Variants in EDIL3 observed in about 807,000 individuals in gnomAD.
EDIL3 encodes the protein EGF like and discoidin domains 3.
EDIL3 carries 37 observed loss-of-function variants against 67.4 expected under a neutral mutation model. The ratio of observed to expected loss-of-function variants is 0.55; its 90% confidence interval spans 0.42 to 0.72. The LOEUF is 0.72. EDIL3 is among the 30% of genes least tolerant of loss of function. EDIL3 has a pLI of 0.00. For missense variants in EDIL3, 527 were observed against 586.3 expected (o/e 0.90, Z 1.04); for synonymous variants, 195 against 196.3 (o/e 0.99, Z 0.05).
chr5:83,945,607 C>T (rs1046247988), intron 10 of EDIL3, among the ~76,000 whole-genome samples: 2 of 151,788 alleles, frequency 1.3e-5, no homozygotes, highest in Non-Finnish European at 1.5e-5. Flanking sequence ...GGTTTTGATG[C>T]GAACTATCAA....
chr5:84,264,849 C>G (rs1009879196), intron 1 of EDIL3, among the ~76,000 whole-genome samples: 3 of 152,256 alleles, frequency 2.0e-5, no homozygotes, highest in African/African-American at 7.2e-5. Flanking sequence ...TAAAAACAAT[C>G]AAGTGCTACA....
At chr5:84,210,973 A>G (rs1744105846) in intron 3 of EDIL3, among the ~76,000 whole-genome samples, 1 of 152,210 alleles carries the variant, frequency 6.6e-6, no homozygotes, top group African/African-American at 2.4e-5. Flanking sequence ...TCACTATTGT[A>G]GTAGGTTGAA....
At chr5:84,239,740 T>C (rs1325203948) in intron 2 of EDIL3, among the ~76,000 whole-genome samples, 2 of 152,190 alleles carry the variant, frequency 1.3e-5, no homozygotes, top group African/African-American at 4.8e-5. Flanking sequence ...CGGGAAAGAA[T>C]TGCAAAATTT....
chr5:84,150,508 A>C (rs1007605627), intron 4 of EDIL3, among the ~76,000 whole-genome samples: 3 of 152,204 alleles, frequency 2.0e-5, no homozygotes, highest in African/African-American at 7.2e-5. Context: ...AAGAATATAC[A>C]TAAGAGTGGT....
At chr5:84,199,786 AG>A (rs939834052) in intron 3 of EDIL3, among the ~76,000 whole-genome samples, 2 of 152,050 alleles carry the variant, frequency 1.3e-5, no homozygotes, top group African/African-American at 4.8e-5. Context: ...GGGCAGTAAA[AG>A]GAAAAACAGG....
At chr5:84,365,754 G>A (rs1390886147) in intron 1 of EDIL3, among the ~76,000 whole-genome samples, 1 of 152,042 alleles carries the variant, frequency 6.6e-6, no homozygotes, top group Non-Finnish European at 1.5e-5. Context: ...TTCTCTTTTG[G>A]ATTGTGTCTC....
In EDIL3 at chr5:83,952,194, A is replaced by G. The variant is rs190795391; in HGVS notation, c.1294-8626T>C. On this transcript the variant is annotated intron_variant, in intron 10 of 10. Transcript: ENST00000296591. ...TGGGAAAAAGACGTAGTGAAAAATC[A>G]AAGCAAAAGAGTCCATCCTCCTTGA... Among the ~76,000 whole-genome samples, 46 of 151,914 alleles carry G rather than the reference A, an allele frequency of 3.0e-4. 1 individual carries two copies. In the East Asian group the frequency reaches 8.6e-3, roughly 28 times the overall value.
chr5:84,321,043 T>C (rs929085395), intron 1 of EDIL3, among the ~76,000 whole-genome samples: 9 of 152,202 alleles, frequency 5.9e-5, no homozygotes, highest in Admixed American at 1.3e-4. Flanking sequence ...ATGTTAATAT[T>C]GTGATCTGAT....
intron 9 of EDIL3, among the ~76,000 whole-genome samples, chr5:84,048,730 C>A (rs898117684): frequency 8.6e-5 from 13 of 151,902 alleles, no homozygotes; most frequent in African/African-American, 3.1e-4. Context: ...TAGTCACCAC[C>A]AATACGGCAA....
intron 1 of EDIL3, among the ~76,000 whole-genome samples, chr5:84,332,150 C>A (rs1423179922): frequency 6.6e-6 from 1 of 152,126 alleles, no homozygotes; most frequent in Non-Finnish European, 1.5e-5. Context: ...GGGAGGATCG[C>A]TTGAGGCTAG....
At chr5:84,114,442 C>G (rs991888504) in intron 5 of EDIL3, among the ~76,000 whole-genome samples, 3 of 152,200 alleles carry the variant, frequency 2.0e-5, no homozygotes, top group African/African-American at 7.2e-5. Flanking sequence ...TACTCATTCC[C>G]AAATTCCTGC....
intron 5 of EDIL3, among the ~76,000 whole-genome samples, chr5:84,132,507 T>A: frequency 1.5e-5 from 1 of 66,136 alleles, no homozygotes; most frequent in African/African-American, 5.7e-5. Flanking sequence ...ATTTTATATA[T>A]AATATATATT....
intron 9 of EDIL3, among the ~76,000 whole-genome samples, chr5:84,009,014 T>C (rs997045281): frequency 2.6e-5 from 4 of 152,142 alleles, no homozygotes; most frequent in African/African-American, 9.7e-5. Context: ...AGTCTCACTA[T>C]GTTGCCCAGC....
chr5:84,205,929 T>C (rs4348197), intron 3 of EDIL3, among the ~76,000 whole-genome samples: 18,374 of 150,854 alleles, frequency 0.12, 1,274 homozygotes, highest in Non-Finnish European at 0.15. Flanking sequence ...CTGCTCTGAT[T>C]TTAGTTATTT....
intron 6 of EDIL3, among the ~76,000 whole-genome samples, chr5:84,101,921 C>T (rs939451305): frequency 1.4e-4 from 22 of 151,938 alleles, no homozygotes; most frequent in African/African-American, 5.3e-4. Flanking sequence ...AAATCCTCAA[C>T]AAAATACAAG....
chr5:84,052,585 A>G lies in EDIL3; in HGVS notation c.1137+7715T>C, dbSNP rs933229167. ...ACCCATCTCACGTGCAGAGACACAC[A>G]TAGGCTCAAAATAAAGGGATGGAGG... is the stretch of plus-strand genomic sequence containing the variant. On this transcript the variant is annotated intron_variant, in intron 9 of 10. Coordinates refer to ENST00000296591, the MANE Select transcript of EDIL3 (RefSeq NM_005711.5). 1.6e-3 allele frequency among the ~76,000 whole-genome samples: 239 copies of G among 152,324 alleles called. 5 individuals are homozygous for G. Among genetic ancestry groups the G allele is most frequent in the Non-Finnish European group, 2.1e-4 (14 of 68,020 alleles).
At chr5:84,133,507 G>T (rs191846047) in intron 5 of EDIL3, among the ~76,000 whole-genome samples, 1 of 150,188 alleles carries the variant, frequency 6.7e-6, no homozygotes, top group African/African-American at 2.5e-5. Flanking sequence ...GTGGTGGTGC[G>T]TGCCTGTAGT....
intron 1 of EDIL3, among the ~76,000 whole-genome samples, chr5:84,362,147 A>G (rs1747624558): frequency 6.6e-6 from 1 of 152,140 alleles, no homozygotes; most frequent in African/African-American, 2.4e-5. Context: ...TTTCCATTTT[A>G]ACTTTTGGAA....
chr5:84,212,450 T>G (rs1038912694), intron 3 of EDIL3, among the ~76,000 whole-genome samples: 2 of 152,220 alleles, frequency 1.3e-5, no homozygotes, highest in Non-Finnish European at 2.9e-5. Flanking sequence ...TCTTTCATAC[T>G]CACAGAAACA....
Sources: allele counts gnomAD v4.1 joint callset (sites outside exome capture counted in the v4.1 genomes callset), GRCh38; gene constraint gnomAD v4.1.1; transcripts MANE v1.5; gene names NCBI Gene and HGNC (gene_info 2026-07-23, HGNC 2026-07-21).